SPATA17: variants seen among roughly 807,000 people sequenced by gnomAD.
The protein encoded by SPATA17 is spermatogenesis-associated protein 17.
Under a neutral mutation model 62.2 loss-of-function variants are expected in SPATA17, and 53 were observed. That is an observed-to-expected ratio of 0.85 (90% CI 0.68 to 1.07). The LOEUF is 1.07. SPATA17 is among the 50% of genes least tolerant of loss of function. The pLI is 0.00. For missense variants in SPATA17, 466 were observed against 425.5 expected (o/e 1.10, Z -0.84); for synonymous variants, 146 against 146.8 (o/e 0.99, Z 0.04).
At chr1:217,720,926 A>G (rs2102934075) in intron 5 of SPATA17, among the ~76,000 whole-genome samples, 1 of 152,172 alleles carries the variant, frequency 6.6e-6, no homozygotes, top group East Asian at 1.9e-4. Flanking sequence ...GGCCAGAACT[A>G]TTGATAGTCA....
At chr1:217,717,211 A>AG (rs78976946) in intron 5 of SPATA17, among the ~76,000 whole-genome samples, 38,440 of 152,112 alleles carry the variant, frequency 0.25, 5,283 homozygotes, top group African/African-American at 0.35. Context: ...TTTTAGTGTT[A>AG]CCATGTGACT....
intron 8 of SPATA17, among the ~76,000 whole-genome samples, chr1:217,799,329 T>C (rs1674235476): frequency 6.6e-6 from 1 of 152,128 alleles, no homozygotes; most frequent in Non-Finnish European, 1.5e-5. Context: ...AAGGCAAATT[T>C]TGTTCAGACA....
Position 217,688,243 on chromosome 1 carries a change from A to AC in SPATA17, c.395+4882_395+4883insC, listed in dbSNP as rs137868889. On this transcript the variant is annotated intron_variant, in intron 5 of 10. Transcript: ENST00000366933. ...CAGAGTGAGACTCTTTCTCTAAAAA[A>AC]AATAAATAAACAAAAATATTTTTTA... Among the ~76,000 whole-genome samples, 284 of 152,210 alleles carry AC rather than the reference A, an allele frequency of 1.9e-3. 1 individual carries two copies. Among genetic ancestry groups the AC allele is most frequent in the African/African-American group, 6.6e-3 (275 of 41,500 alleles).
chr1:217,747,814 A>T lies in SPATA17; in HGVS notation c.519+5716A>T, dbSNP rs551584848. 2.6e-5 allele frequency among the ~76,000 whole-genome samples: 4 copies of T among 152,288 alleles called. No individual in the cohort carries two copies. In the East Asian group the frequency reaches 7.7e-4, roughly 29 times the overall value. On this transcript the variant is annotated intron_variant, in intron 6 of 10. Transcript: ENST00000366933. Reference sequence around the variant, plus strand: ...AGATTTTTGATGTTTTTCCTCACTCATCACTAAAGCAGTGAAAATACTACT... The same window carrying T: ...AGATTTTTGATGTTTTTCCTCACTCTTCACTAAAGCAGTGAAAATACTACT...
At chr1:217,784,387 A>G (rs1032513683) in intron 8 of SPATA17, among the ~76,000 whole-genome samples, 1 of 152,160 alleles carries the variant, frequency 6.6e-6, no homozygotes, top group African/African-American at 2.4e-5. Flanking sequence ...GGGTAGCATT[A>G]TATCTGAGAG....
chr1:217,640,407 C>T (rs1054250495), intron 1 of SPATA17, among the ~76,000 whole-genome samples: 3 of 152,042 alleles, frequency 2.0e-5, no homozygotes, highest in Non-Finnish European at 2.9e-5. Flanking sequence ...GATGCAAGGG[C>T]AGTATACAGT....
intron 4 of SPATA17, among the ~76,000 whole-genome samples, chr1:217,670,816 T>C (rs1571720187): frequency 1.3e-5 from 2 of 151,816 alleles, no homozygotes; most frequent in East Asian, 3.9e-4. Flanking sequence ...CCGGGCATGG[T>C]CATGGGCACC....
chr1:217,725,318 C>T (rs1222828473), intron 5 of SPATA17, among the ~76,000 whole-genome samples: 1 of 152,110 alleles, frequency 6.6e-6, no homozygotes, highest in African/African-American at 2.4e-5. Flanking sequence ...CTTTGTAATC[C>T]TACATAGTAT....
intron 9 of SPATA17, among the ~76,000 whole-genome samples, chr1:217,831,753 G>A (rs1675147255): frequency 6.6e-6 from 1 of 152,002 alleles, no homozygotes; most frequent in Non-Finnish European, 1.5e-5. Flanking sequence ...TTTCTTTGTG[G>A]CTCACCCACC....
chr1:217,650,025 C>T (rs1426669348), intron 2 of SPATA17, among the ~76,000 whole-genome samples: 5 of 151,318 alleles, frequency 3.3e-5, no homozygotes, highest in East Asian at 1.9e-4. Context: ...CCGCAACCTC[C>T]GCCTCCCAGA....
intron 5 of SPATA17, among the ~76,000 whole-genome samples, chr1:217,712,169 T>C (rs1032859794): frequency 2.0e-5 from 3 of 147,286 alleles, no homozygotes; most frequent in Non-Finnish European, 3.0e-5. Context: ...TCTTGTTGCC[T>C]GGGCTGGAGT....
intron 9 of SPATA17, among the ~76,000 whole-genome samples, chr1:217,838,397 G>A (rs983988214): frequency 1.3e-5 from 2 of 151,934 alleles, no homozygotes; most frequent in African/African-American, 2.4e-5. Flanking sequence ...AGTTTCTTCA[G>A]CTATGTCTGC....
chr1:217,677,241 A>T (rs948802030), intron 4 of SPATA17, among the ~76,000 whole-genome samples: 6 of 152,208 alleles, frequency 3.9e-5, no homozygotes, highest in African/African-American at 1.4e-4. Context: ...ATCTAACTTG[A>T]TATATCAAGT....
chr1:217,863,105 CT>C (rs1353872862), intron 10 of SPATA17, among the ~76,000 whole-genome samples: 1 of 147,832 alleles, frequency 6.8e-6, no homozygotes, highest in Non-Finnish European at 1.5e-5. Context: ...CATTAAAAAT[CT>C]AAAATACTCT....
At chr1:217,773,256 A>G (rs1015282972) in intron 6 of SPATA17, among the ~76,000 whole-genome samples, 2 of 152,184 alleles carry the variant, frequency 1.3e-5, no homozygotes, top group African/African-American at 4.8e-5. Flanking sequence ...ATGTTTATAG[A>G]TATGTTGATG....
chr1:217,820,178 G>A (rs992303731), intron 9 of SPATA17, among the ~76,000 whole-genome samples: 2 of 151,956 alleles, frequency 1.3e-5, no homozygotes, highest in African/African-American at 4.8e-5. Flanking sequence ...AGATCTGGCC[G>A]GATATAGAAT....
At chr1:217,839,520 T>C (rs1423064836) in intron 9 of SPATA17, among the ~76,000 whole-genome samples, 1 of 152,078 alleles carries the variant, frequency 6.6e-6, no homozygotes, top group Non-Finnish European at 1.5e-5. Context: ...CCCTAAAGCT[T>C]AGACTGTTTT....
intron 5 of SPATA17, among the ~76,000 whole-genome samples, chr1:217,726,087 A>C (rs1280001196): frequency 6.6e-6 from 1 of 152,142 alleles, no homozygotes; most frequent in African/African-American, 2.4e-5. Context: ...ATTGTCTAAA[A>C]ATTCTTGTAC....
At chr1:217,835,950 G>A (rs72730512) in intron 9 of SPATA17, among the ~76,000 whole-genome samples, 9,666 of 151,978 alleles carry the variant, frequency 0.064, 403 homozygotes, top group East Asian at 0.14. Context: ...CCCACCCAGA[G>A]CGATTCAGCT....
Sources: gnomAD v4.1 joint callset for allele counts (sites outside exome capture counted in the v4.1 genomes callset) on GRCh38, gnomAD v4.1.1 for gene constraint, MANE v1.5 for transcripts, NCBI Gene and HGNC (gene_info 2026-07-23, HGNC 2026-07-21) for gene names.